Variants in HLA-DQA1 observed in about 807,000 individuals in gnomAD.
HLA-DQA1 encodes major histocompatibility complex, class II, DQ alpha 1.
Under a neutral mutation model 20.7 loss-of-function variants are expected in HLA-DQA1, and 10 were observed. The ratio of observed to expected loss-of-function variants is 0.48; its 90% CI spans 0.30 to 0.82. HLA-DQA1 has a LOEUF of 0.82. HLA-DQA1 is among the 40% of genes least tolerant of loss of function. HLA-DQA1 has a pLI of 0.07. For missense variants in HLA-DQA1, 127 were observed against 293.0 expected (o/e 0.43, Z 4.14); for synonymous variants, 39 against 109.2 (o/e 0.36, Z 4.01).
the HLA-DQA1 span, among the ~76,000 whole-genome samples, chr6:32,653,263 TTTGTTG>T: frequency 8.6e-5 from 3 of 34,816 alleles, 1 homozygote; most frequent in Admixed American, 1.2e-3. Flanking sequence ...TAAATGTATG[TTTGTTG>T]TTGTTGTTGT....
chr6:32,654,186 C>G, the HLA-DQA1 span, among the ~76,000 whole-genome samples: 4 of 100,358 alleles, frequency 4.0e-5, 2 homozygotes, highest in African/African-American at 1.3e-4. Context: ...TGCCAGTAGT[C>G]CCAGCTACTC....
downstream of HLA-DQA1, among the ~76,000 whole-genome samples, chr6:32,651,379 T>C (rs1782177562): frequency 1.2e-5 from 1 of 81,008 alleles, no homozygotes; most frequent in African/African-American, 4.3e-5. Context: ...GGTCAGGAGA[T>C]CAAGACCATC....
downstream of HLA-DQA1, among the ~76,000 whole-genome samples, chr6:32,647,555 A>C (rs1199463796): frequency 6.6e-6 from 1 of 151,968 alleles, no homozygotes; most frequent in Non-Finnish European, 1.5e-5. Context: ...TTAAAAATGC[A>C]TTCCAGGAAA....
At chr6:32,647,676 T>A (rs7744613), downstream of HLA-DQA1, among the ~76,000 whole-genome samples, 67,193 of 151,634 alleles carry the variant, frequency 0.44, 15,116 homozygotes, top group East Asian at 0.52. Flanking sequence ...CCTTCCTAAG[T>A]CTATGGGAAC....
chr6:32,646,437 G>C (rs9273254), downstream of HLA-DQA1: 1 of 78,124 alleles, frequency 1.3e-5, no homozygotes, highest in Non-Finnish European at 2.9e-5. Flanking sequence ...CACTCCTGTA[G>C]TCCCAGCTAC....
downstream of HLA-DQA1, among the ~76,000 whole-genome samples, chr6:32,651,588 C>CAAAAAAAAAAA (rs70996710): frequency 0.079 from 1,191 of 15,070 alleles, 222 homozygotes; most frequent in South Asian, 0.22. Context: ...CGTCTCAAAG[C>CAAAAAAAAAAA]AAAAAAAAAA....
chr6:32,642,500 A>G (rs28383466), intron 3 of HLA-DQA1, 110 bp from the exon 4 acceptor site: 43,414 of 810,096 alleles, frequency 0.054, 5,418 homozygotes, highest in South Asian at 0.07. Flanking sequence ...TCTTCTCCCT[A>G]AGCCTGGGGC....
At chr6:32,646,128 C>A (rs1251074558), downstream of HLA-DQA1, 1 of 141,912 alleles carries the variant, frequency 7.0e-6, no homozygotes, top group Admixed American at 7.1e-5. Context: ...AAATGTAGGG[C>A]CTACTATCAA....
chr6:32,651,553 C>T (rs1236769273), downstream of HLA-DQA1, among the ~76,000 whole-genome samples: 1 of 61,882 alleles, frequency 1.6e-5, no homozygotes, highest in African/African-American at 5.7e-5. Context: ...CACTGCACTC[C>T]AGCCTGGGTG....
intron 1 of HLA-DQA1, among the ~76,000 whole-genome samples, chr6:32,637,781 G>A (rs9272458): frequency 0.75 from 75,890 of 100,788 alleles, 31,963 homozygotes; most frequent in Admixed American, 0.82. Context: ...CAGTGACTAC[G>A]GCCTGGAGGT....
chr6:32,645,152 GATA>G, downstream of HLA-DQA1: 1 of 151,370 alleles, frequency 6.6e-6, no homozygotes, highest in Non-Finnish European at 1.5e-5. Context: ...GACTTTGGGT[GATA>G]ATGATGTGCC....
At chr6:32,655,148 C>A in the HLA-DQA1 span, among the ~76,000 whole-genome samples, 2,692 of 52,814 alleles carry the variant, frequency 0.051, 58 homozygotes, top group East Asian at 0.18. Context: ...ATCAAAAAGT[C>A]ATGTAGTACC....
At chr6:32,638,156 A>T (rs372038194) in intron 1 of HLA-DQA1, among the ~76,000 whole-genome samples, 4 of 119,880 alleles carry the variant, frequency 3.3e-5, no homozygotes, top group African/African-American at 1.2e-4. Context: ...ATCAAATAAA[A>T]TGGGCATGTG....
the HLA-DQA1 span, among the ~76,000 whole-genome samples, chr6:32,653,136 G>A: frequency 1.6e-5 from 2 of 121,382 alleles, no homozygotes; most frequent in Non-Finnish European, 3.6e-5. Context: ...CCAGCAATGA[G>A]AGAATAAATC....
chr6:32,651,550 C>G (rs1331909436), downstream of HLA-DQA1, among the ~76,000 whole-genome samples: 5 of 63,976 alleles, frequency 7.8e-5, 2 homozygotes, highest in Non-Finnish European at 1.5e-4. Context: ...AGCCACTGCA[C>G]TCCAGCCTGG....
chr6:32,638,164 G>A (rs1781030967), intron 1 of HLA-DQA1, among the ~76,000 whole-genome samples: 1 of 118,486 alleles, frequency 8.4e-6, no homozygotes, highest in Non-Finnish European at 1.8e-5. Context: ...AAATGGGCAT[G>A]TGGCTAAGCT....
At chr6:32,653,838 C>A in the HLA-DQA1 span, among the ~76,000 whole-genome samples, 2 of 58,354 alleles carry the variant, frequency 3.4e-5, 1 homozygote, top group South Asian at 9.8e-4. Flanking sequence ...TCTTTTACAT[C>A]ATTATGTTAA....
At chr6:32,649,007 A>C (rs1366368796), downstream of HLA-DQA1, among the ~76,000 whole-genome samples, 1 of 96,808 alleles carries the variant, frequency 1.0e-5, no homozygotes, top group Non-Finnish European at 2.3e-5. Flanking sequence ...AAGAGAACCA[A>C]ATCATGAGTG....
At chr6:32,647,281 A>G (rs1244561075), downstream of HLA-DQA1, among the ~76,000 whole-genome samples, 3 of 97,550 alleles carry the variant, frequency 3.1e-5, no homozygotes, top group African/African-American at 1.1e-4. Flanking sequence ...CATCCTGGCC[A>G]ACATGGCGAA....
Sources: allele counts gnomAD v4.1 joint callset (sites outside exome capture counted in the v4.1 genomes callset), GRCh38; gene constraint gnomAD v4.1.1; transcripts MANE v1.5; gene names NCBI Gene and HGNC (gene_info 2026-07-23, HGNC 2026-07-21).